CELF4: variants seen among roughly 807,000 people sequenced by gnomAD.
CELF4 encodes CUG-BP- and ETR-3-like factor 4.
Under a neutral mutation model 59.9 loss-of-function variants are expected in CELF4, and 18 were observed. The ratio of observed to expected loss-of-function variants is 0.30; its 90% CI spans 0.21 to 0.45. The LOEUF is 0.45. Ranked by LOEUF, CELF4 falls within the 20% of genes least tolerant of loss-of-function variation. The pLI, the probability that CELF4 is intolerant of heterozygous loss-of-function variation, is 1.00. For synonymous variants in CELF4, 261 were observed against 267.1 expected, an observed-to-expected ratio of 0.98 and a Z score of 0.22; for missense variants, 456 against 689.0, an observed-to-expected ratio of 0.66 and a Z score of 3.79.
At chr18:37,266,741 A>C in intron 8 of CELF4, 143 bp from the exon 9 acceptor site, 1 of 726,026 alleles carries the variant, frequency 1.4e-6, no homozygotes, top group Non-Finnish European at 2.2e-6. Flanking sequence ...CGAGACAGAA[A>C]CCCTGAGTGC....
At chr18:37,345,901 A>G (rs2098238719) in intron 2 of CELF4, among the ~76,000 whole-genome samples, 1 of 152,064 alleles carries the variant, frequency 6.6e-6, no homozygotes, top group South Asian at 2.1e-4. Flanking sequence ...AGGTGGCTGA[A>G]TGGGCTCTGA....
At chr18:37,506,087 C>G (rs913212275) in intron 1 of CELF4, among the ~76,000 whole-genome samples, 4 of 151,760 alleles carry the variant, frequency 2.6e-5, no homozygotes, top group Non-Finnish European at 4.4e-5. Context: ...CCAACGCCGC[C>G]CCCCTGTTCT....
At chr18:37,363,180 G>A (rs1306534570) in intron 2 of CELF4, among the ~76,000 whole-genome samples, 1 of 152,134 alleles carries the variant, frequency 6.6e-6, no homozygotes, top group Non-Finnish European at 1.5e-5. Flanking sequence ...GGGCTGTGTG[G>A]GGAGGGGACG....
intron 2 of CELF4, among the ~76,000 whole-genome samples, chr18:37,385,354 CAAAAAAAAAAA>C (rs34504926): frequency 9.9e-6 from 1 of 100,530 alleles, no homozygotes; most frequent in Non-Finnish European, 2.0e-5. Flanking sequence ...GACTCCATCT[CAAAAAAAAAAA>C]AAAAAAAGAA....
chr18:37,474,901 T>G (rs1306336894), intron 2 of CELF4, among the ~76,000 whole-genome samples: 1 of 152,222 alleles, frequency 6.6e-6, no homozygotes. Flanking sequence ...CCTTTGACTG[T>G]GGAGCCCACT....
At chr18:37,262,438 G>GGA (rs2075285926) in intron 10 of CELF4, among the ~76,000 whole-genome samples, 1 of 152,128 alleles carries the variant, frequency 6.6e-6, no homozygotes, top group African/African-American at 2.4e-5. Context: ...GCTCAGAGAT[G>GGA]GAGAGAAGGA....
intron 2 of CELF4, among the ~76,000 whole-genome samples, chr18:37,464,840 G>A (rs1305475463): frequency 1.3e-5 from 2 of 152,188 alleles, no homozygotes; most frequent in Admixed American, 6.5e-5. Context: ...AATGCTGCCC[G>A]AAAGGAGACA....
chr18:37,411,794 G>A (rs975951615), intron 2 of CELF4, among the ~76,000 whole-genome samples: 3 of 152,176 alleles, frequency 2.0e-5, no homozygotes, highest in Admixed American at 1.3e-4. Context: ...TGGGGAAGTG[G>A]TGCAGCTCCC....
intron 1 of CELF4, among the ~76,000 whole-genome samples, chr18:37,495,464 C>T (rs2099924122): frequency 6.6e-6 from 1 of 152,182 alleles, no homozygotes; most frequent in South Asian, 2.1e-4. Flanking sequence ...TAGCTGACCT[C>T]AGCCACATGG....
At chr18:37,272,934 C>T (rs2091988504) in intron 7 of CELF4, 82 bp downstream of exon 7, 1 of 1,389,860 alleles carries the variant, frequency 7.2e-7, no homozygotes, top group Non-Finnish European at 1.0e-6. Flanking sequence ...GAATGGTCCG[C>T]TGGTAGCTGA....
At chr18:37,432,252 G>A (rs2099671360) in intron 2 of CELF4, among the ~76,000 whole-genome samples, 1 of 152,200 alleles carries the variant, frequency 6.6e-6, no homozygotes, top group Non-Finnish European at 1.5e-5. Flanking sequence ...GCTGTTGTGA[G>A]GGCCACCCGC....
intron 1 of CELF4, among the ~76,000 whole-genome samples, chr18:37,487,461 C>T (rs2154603280): frequency 6.6e-6 from 1 of 152,314 alleles, no homozygotes; most frequent in Non-Finnish European, 1.5e-5. Flanking sequence ...TCATGTCTCC[C>T]TTCCTCCAGA....
intron 1 of CELF4, among the ~76,000 whole-genome samples, chr18:37,545,126 A>G (rs1241930200): frequency 6.6e-6 from 1 of 152,160 alleles, no homozygotes; most frequent in African/African-American, 2.4e-5. Context: ...CAGCTGCAGG[A>G]AGACCGGGCA....
chr18:37,503,172 G>A (rs752137792), intron 1 of CELF4, among the ~76,000 whole-genome samples: 22 of 152,336 alleles, frequency 1.4e-4, no homozygotes, highest in Middle Eastern at 3.4e-3. Flanking sequence ...CAGATACTGC[G>A]CTTTCTCTCC....
At chr18:37,395,308 T>C (rs1180606552) in intron 2 of CELF4, among the ~76,000 whole-genome samples, 1 of 152,092 alleles carries the variant, frequency 6.6e-6, no homozygotes, top group Non-Finnish European at 1.5e-5. Context: ...CACTACTTCA[T>C]TTGGTGGGTG....
At chr18:37,528,628 T>C (rs949397386) in intron 1 of CELF4, among the ~76,000 whole-genome samples, 7 of 152,064 alleles carry the variant, frequency 4.6e-5, no homozygotes, top group Non-Finnish European at 1.0e-4. Context: ...TGTGTGTGGG[T>C]GTGTTTGTGT....
At chr18:37,266,719 G>A (rs935701119) in intron 8 of CELF4, 121 bp from the exon 9 acceptor site, 1 of 873,518 alleles carries the variant, frequency 1.1e-6, no homozygotes, top group Non-Finnish European at 1.7e-6. Context: ...CTGTGCCCTG[G>A]GGCAGGGCAT....
intron 2 of CELF4, among the ~76,000 whole-genome samples, chr18:37,366,222 C>A (rs2098780757): frequency 6.6e-6 from 1 of 152,160 alleles, no homozygotes; most frequent in Non-Finnish European, 1.5e-5. Context: ...AGGGCTGGGG[C>A]TGGAAAAGCT....
intron 1 of CELF4, among the ~76,000 whole-genome samples, chr18:37,553,774 T>C (rs1397491837): frequency 1.3e-5 from 2 of 151,988 alleles, no homozygotes; most frequent in African/African-American, 4.8e-5. Context: ...CAGCCAACAC[T>C]GGCCAGGGTA....
Sources: gnomAD v4.1 joint callset for allele counts (sites outside exome capture counted in the v4.1 genomes callset) on GRCh38, gnomAD v4.1.1 for gene constraint, MANE v1.5 for transcripts, NCBI Gene and HGNC (gene_info 2026-07-23, HGNC 2026-07-21) for gene names.